PCDHGA7: variants seen among roughly 807,000 people sequenced by gnomAD.
PCDHGA7 encodes the protein protocadherin gamma-A7.
A neutral mutation model predicts 58.3 loss-of-function variants in PCDHGA7; 44 were observed. That is an observed-to-expected ratio of 0.75 (90% confidence interval 0.59 to 0.97). The LOEUF is 0.97. Among genes scored for constraint, PCDHGA7 ranks in the 50% least tolerant of loss-of-function variants. The pLI, the probability that PCDHGA7 is intolerant of heterozygous loss-of-function variation, is 0.00. For synonymous variants in PCDHGA7, 516 were observed against 504.2 expected, an observed-to-expected ratio of 1.02 and a Z score of -0.31; for missense variants, 1,266 against 1,188.7, an observed-to-expected ratio of 1.06 and a Z score of -0.96.
In PCDHGA7 at chr5:141,385,044, G is replaced by T; in HGVS notation, c.2145G>T (p.Arg715Ser). 1.9e-6 allele frequency: 3 copies of T among 1,614,146 alleles called. No individual in the cohort carries two copies. The highest frequency in any genetic ancestry group is 2.2e-5 in the South Asian group (2 of 91,090). The change falls in exon 1 of 4, where the codon AGG becomes AGT. Residue 715 changes from arginine (R) to serine (S), a missense_variant. Physicochemically the swap from Arg to Ser is moderately radical, Grantham distance 110. Coordinates refer to ENST00000518325, the MANE Select transcript of PCDHGA7 (RefSeq NM_018920.4). ...TCGTCCTCGTACTGCTGGCGCTCAG[G>T]CTGCGGCGCTGGCACAAGTCACGCC... The part of the protein sequence containing the change: ...LAFVLVLLAL[R>S]LRRWHKSRLL...
chr5:141,452,830 T>A (rs2098749929), intron 1 of PCDHGA7, among the ~76,000 whole-genome samples: 1 of 152,166 alleles, frequency 6.6e-6, no homozygotes, highest in South Asian at 2.1e-4. Context: ...CAAAATCACT[T>A]GGTCCAGCCC....
chr5:141,414,550 G>C, intron 1 of PCDHGA7: 1 of 1,613,948 alleles, frequency 6.2e-7, no homozygotes, highest in Non-Finnish European at 8.5e-7. Context: ...CTTCTCTCAA[G>C]TCTCCTACTT....
chr5:141,418,533 C>G, intron 1 of PCDHGA7: 1 of 1,614,032 alleles, frequency 6.2e-7, no homozygotes, highest in Non-Finnish European at 8.5e-7. Flanking sequence ...CGAAGCGGTA[C>G]TGCTCAGATA....
At position 141,431,965 on chromosome 5, in the gene PCDHGA7, T is replaced by G. The variant is rs765281339; in HGVS notation, c.2424+46642T>G. ...TAGAAAAATCTTACGGAAATTACTATAGTTTAGTCACAGACATAGTCTTGG... is the reference window on the plus strand; with the variant it reads ...TAGAAAAATCTTACGGAAATTACTAGAGTTTAGTCACAGACATAGTCTTGG... On this transcript the variant is annotated intron_variant, in intron 1 of 3. Coordinates refer to ENST00000518325, the MANE Select transcript of PCDHGA7 (RefSeq NM_018920.4). This position sits in a 1 kb window ranked among gnomAD's most constrained non-coding sequence, Gnocchi z 4.8. The G allele has an allele frequency of 1.2e-6, 2 of 1,614,216 alleles. No individual in the cohort carries two copies. Among genetic ancestry groups the G allele is most frequent in the East Asian group, 4.5e-5 (2 of 44,892 alleles).
intron 1 of PCDHGA7, chr5:141,393,668 T>C (rs1048580916): frequency 6.2e-7 from 1 of 1,613,872 alleles, no homozygotes. Context: ...GGAAAATTAA[T>C]GAAAAACAAA....
intron 1 of PCDHGA7, chr5:141,421,393 G>A: frequency 6.2e-7 from 1 of 1,614,038 alleles, no homozygotes; most frequent in Non-Finnish European, 8.5e-7. Flanking sequence ...CCTGGGGCTG[G>A]AGCCCCGGGA....
At chr5:141,434,070 T>C (rs1004240895) in intron 1 of PCDHGA7, among the ~76,000 whole-genome samples, 3 of 152,226 alleles carry the variant, frequency 2.0e-5, no homozygotes, top group Non-Finnish European at 2.9e-5. Context: ...TCTGTTAATA[T>C]CAATTATTTA....
At chr5:141,408,051 C>A in intron 1 of PCDHGA7, 3 of 1,264,368 alleles carry the variant, frequency 2.4e-6, no homozygotes, top group Non-Finnish European at 3.2e-6. Context: ...CCACACAGAG[C>A]CTCCCGGCTG....
rs577239742 is a variant in PCDHGA7 at position 141,501,564 on chromosome 5, T to C, written c.2484-3829T>C. ...CATAAGATCATAGGCCCTGGAATCA[T>C]ATTAGGCTGGCTTTCAGGTTGCAAC... On this transcript the variant is annotated intron_variant, in intron 2 of 3. Coordinates refer to ENST00000518325, the MANE Select transcript of PCDHGA7 (RefSeq NM_018920.4). 5.9e-5 allele frequency among the ~76,000 whole-genome samples: 9 copies of C among 152,194 alleles called. No individual in the cohort carries two copies. The South Asian group carries it at 1.7e-3, about 28-fold the overall frequency.
At chr5:141,435,346 G>A (rs2097758346) in intron 1 of PCDHGA7, among the ~76,000 whole-genome samples, 1 of 152,012 alleles carries the variant, frequency 6.6e-6, no homozygotes, top group South Asian at 2.1e-4. Flanking sequence ...TATTTCTTCT[G>A]CATTTAAAAT....
chr5:141,413,953 C>A, intron 1 of PCDHGA7: 1 of 1,613,310 alleles, frequency 6.2e-7, no homozygotes, highest in Non-Finnish European at 8.5e-7. Context: ...TGAGAATTTG[C>A]CTGTGGGCAC....
Position 141,382,935 on chromosome 5 carries a change from A to G in PCDHGA7, c.36A>G (p.Gly12=). Reference sequence around the variant, plus strand: ...AGCCGAGGGGCGGGGACTACAGAGGATTCTTCCTGCTCTCCATCCTCCTGG... The same window carrying G: ...AGCCGAGGGGCGGGGACTACAGAGGGTTCTTCCTGCTCTCCATCCTCCTGG... ...AAQPRGGDYR[G]FFLLSILLGT... is the part of the protein sequence containing the mutation. Residue 12 remains glycine, a synonymous_variant, in exon 1 of 4, where the codon GGA becomes GGG. Coordinates refer to ENST00000518325, the MANE Select transcript of PCDHGA7 (RefSeq NM_018920.4). 6.3e-7 allele frequency: 1 copy of G among 1,589,148 alleles called. No individual in the cohort carries two copies. Among genetic ancestry groups the G allele is most frequent in the Admixed American group, 1.7e-5 (1 of 57,240 alleles).
At chr5:141,423,549 C>T (rs748764057) in intron 1 of PCDHGA7, 113 of 1,613,568 alleles carry the variant, frequency 7.0e-5, no homozygotes, top group Non-Finnish European at 8.7e-5. Flanking sequence ...TCCCCCAGCC[C>T]AACTATGGGG....
In PCDHGA7 at chr5:141,448,136, A is replaced by G. The variant is rs2098567363; in HGVS notation, c.2425-46671A>G. Among the ~76,000 whole-genome samples, 5 of 152,036 alleles carry G rather than the reference A, an allele frequency of 3.3e-5. No individual in the cohort carries two copies. The South Asian group carries it at 1.0e-3, about 32-fold the overall frequency. On this transcript the variant is annotated intron_variant, in intron 1 of 3. Transcript: ENST00000518325. ...AAAATTAGCCTCCCCCACCCTCACT[A>G]TACCTCAGACTCACCCCTGAAAGAT...
At chr5:141,479,937 C>G (rs1322238189) in intron 1 of PCDHGA7, among the ~76,000 whole-genome samples, 1 of 152,212 alleles carries the variant, frequency 6.6e-6, no homozygotes, top group African/African-American at 2.4e-5. Context: ...TCATTGCTAT[C>G]AACTCTTGGA....
At chr5:141,506,084 C>T (rs1426222889) in intron 3 of PCDHGA7, among the ~76,000 whole-genome samples, 8 of 152,068 alleles carry the variant, frequency 5.3e-5, no homozygotes, top group African/African-American at 1.9e-4. Flanking sequence ...AATAGAGATT[C>T]GGCTAGTGGT....
chr5:141,447,481 A>G lies in PCDHGA7; in HGVS notation c.2425-47326A>G, dbSNP rs141192758. 3.9e-3 allele frequency among the ~76,000 whole-genome samples: 591 copies of G among 152,326 alleles called. 6 individuals carry two copies. The highest frequency in any genetic ancestry group is 0.011 in the Admixed American group (170 of 15,286). ...TTTTCTTCACCATCTGTAAAACTGC[A>G]TAGAAGGAATGTTTAGGATAAAAGA... On this transcript the variant is annotated intron_variant, in intron 1 of 3. Transcript: ENST00000518325.
In PCDHGA7 at chr5:141,384,558, G is replaced by C. The variant is rs1305876368; in HGVS notation, c.1659G>C (p.Leu553=). The C allele has an allele frequency of 1.2e-6, 2 of 1,614,132 alleles. No individual in the cohort carries two copies. The highest frequency in any genetic ancestry group is 1.3e-5 in the African/African-American group (1 of 74,954). ...SSNMSLSLFV[L]DQNDNPPEIL... ...ACATGTCACTGAGCCTGTTCGTGCTGGACCAGAATGACAACCCGCCCGAGA... is the reference window on the plus strand; with the variant it reads ...ACATGTCACTGAGCCTGTTCGTGCTCGACCAGAATGACAACCCGCCCGAGA... The change falls in exon 1 of 4, where the codon CTG becomes CTC. Residue 553 remains leucine, a synonymous_variant. Coordinates refer to ENST00000518325, the MANE Select transcript of PCDHGA7 (RefSeq NM_018920.4).
intron 1 of PCDHGA7, chr5:141,393,684 T>C (rs1399508154): frequency 9.9e-6 from 16 of 1,613,904 alleles, no homozygotes; most frequent in Non-Finnish European, 1.3e-5. Flanking sequence ...ACAAACTCCG[T>C]TATTCCAGCT....
Sources: allele counts gnomAD v4.1 joint callset (sites outside exome capture counted in the v4.1 genomes callset), GRCh38; gene constraint gnomAD v4.1.1; non-coding constraint Gnocchi (gnomAD v3.1); transcripts MANE v1.5; gene names NCBI Gene and HGNC (gene_info 2026-07-23, HGNC 2026-07-21).